Variants in ADAMTSL1 observed in about 807,000 individuals in gnomAD.
ADAMTSL1 encodes the protein ADAMTS like 1, also known as ADAMTS-like protein 1.
Under a neutral mutation model 201.8 loss-of-function variants are expected in ADAMTSL1, and 126 were observed. The observed-to-expected ratio is 0.62, with a 90% CI of 0.54 to 0.72. ADAMTSL1 has a LOEUF of 0.72. ADAMTSL1 is among the 30% of genes least tolerant of loss of function. The pLI is 0.00. For missense variants in ADAMTSL1, 2,679 were observed against 2,277.8 expected, an observed-to-expected ratio of 1.18 and a Z score of -3.59; for synonymous variants, 1,121 against 903.4, an observed-to-expected ratio of 1.24 and a Z score of -4.32.
chr9:17,925,866 AAG>A (rs1554665267), intron 1 of ADAMTSL1, among the ~76,000 whole-genome samples: 1 of 151,378 alleles, frequency 6.6e-6, no homozygotes, highest in Non-Finnish European at 1.5e-5. Flanking sequence ...TAAAAAAAAA[AAG>A]AAAACCATCC....
intron 8 of ADAMTSL1, among the ~76,000 whole-genome samples, chr9:18,660,106 G>T (rs1341437594): frequency 6.6e-6 from 1 of 152,156 alleles, no homozygotes; most frequent in Admixed American, 6.5e-5. Context: ...AAATGAAGAA[G>T]TAGAACTATC....
At chr9:18,073,991 G>T (rs186636800) in intron 1 of ADAMTSL1, among the ~76,000 whole-genome samples, 33 of 149,506 alleles carry the variant, frequency 2.2e-4, no homozygotes, top group African/African-American at 3.0e-4. Flanking sequence ...TTTTTTTTTC[G>T]CATTGAAAAG....
At chr9:18,067,733 C>A (rs1055325119) in intron 1 of ADAMTSL1, among the ~76,000 whole-genome samples, 1 of 152,122 alleles carries the variant, frequency 6.6e-6, no homozygotes, top group Non-Finnish European at 1.5e-5. Context: ...AGAGTCTTGT[C>A]TGGAGGCGGT....
intron 26 of ADAMTSL1, among the ~76,000 whole-genome samples, chr9:18,900,124 T>C (rs7859732): frequency 0.13 from 19,861 of 152,078 alleles, 1,449 homozygotes; most frequent in Middle Eastern, 0.22. Context: ...GCAAAGGACA[T>C]GAACAGACAG....
At chr9:18,438,575 C>G (rs1008874248) in intron 2 of ADAMTSL1, among the ~76,000 whole-genome samples, 10 of 152,190 alleles carry the variant, frequency 6.6e-5, no homozygotes, top group African/African-American at 2.2e-4. Flanking sequence ...TCAAGCGTGT[C>G]CCTTCCCGCA....
At chr9:18,646,180 G>C (rs1827798886) in intron 7 of ADAMTSL1, among the ~76,000 whole-genome samples, 1 of 151,522 alleles carries the variant, frequency 6.6e-6, no homozygotes, top group South Asian at 2.1e-4. Flanking sequence ...TCATGATTTG[G>C]CTCTCTGTTT....
intron 2 of ADAMTSL1, among the ~76,000 whole-genome samples, chr9:18,184,191 A>T (rs1336843776): frequency 2.0e-5 from 3 of 152,172 alleles, no homozygotes; most frequent in Non-Finnish European, 4.4e-5. Flanking sequence ...TGCTCCAAAG[A>T]GTGTAAAGTC....
At chr9:18,576,688 C>T (rs952423872) in intron 4 of ADAMTSL1, among the ~76,000 whole-genome samples, 6 of 152,144 alleles carry the variant, frequency 3.9e-5, no homozygotes, top group Non-Finnish European at 5.9e-5. Context: ...TTGTAAATTT[C>T]TTCAGGAAAG....
chr9:18,690,467 C>A (rs907944515), intron 13 of ADAMTSL1, among the ~76,000 whole-genome samples: 1 of 151,966 alleles, frequency 6.6e-6, no homozygotes, highest in African/African-American at 2.4e-5. Context: ...TATAAGGTAC[C>A]TGAATTATAT....
At chr9:18,383,237 T>G (rs1837634744) in intron 2 of ADAMTSL1, among the ~76,000 whole-genome samples, 1 of 152,190 alleles carries the variant, frequency 6.6e-6, no homozygotes, top group African/African-American at 2.4e-5. Context: ...CTATACTTTC[T>G]TGTAGCTATT....
intron 2 of ADAMTSL1, among the ~76,000 whole-genome samples, chr9:18,352,733 A>G (rs1836028405): frequency 6.6e-6 from 1 of 152,114 alleles, no homozygotes; most frequent in South Asian, 2.1e-4. Flanking sequence ...TTTATTTTTT[A>G]TTAGGCAATA....
intron 23 of ADAMTSL1, among the ~76,000 whole-genome samples, chr9:18,838,402 C>A (rs1816444): frequency 0.26 from 31,964 of 125,198 alleles, 4,950 homozygotes; most frequent in Non-Finnish European, 0.31. Context: ...CACACACACA[C>A]GCAAAAACCT....
intron 22 of ADAMTSL1, among the ~76,000 whole-genome samples, chr9:18,828,869 T>G (rs1824796067): frequency 6.6e-6 from 1 of 151,626 alleles, no homozygotes. Flanking sequence ...CCCTAACAAG[T>G]GCCTTACAAG....
intron 2 of ADAMTSL1, among the ~76,000 whole-genome samples, chr9:18,228,834 G>GT (rs984230350): frequency 5.0e-5 from 7 of 140,334 alleles, no homozygotes; most frequent in African/African-American, 1.6e-4. Flanking sequence ...GTGATTCAGA[G>GT]TTTTTTTGTT....
intron 15 of ADAMTSL1, among the ~76,000 whole-genome samples, chr9:18,734,454 C>T (rs1240938263): frequency 6.6e-6 from 1 of 152,178 alleles, no homozygotes; most frequent in Non-Finnish European, 1.5e-5. Context: ...GCATTTTCTA[C>T]TGGTTAAGAG....
At chr9:18,024,365 G>A (rs978320817) in intron 1 of ADAMTSL1, among the ~76,000 whole-genome samples, 1 of 151,898 alleles carries the variant, frequency 6.6e-6, no homozygotes, top group South Asian at 2.1e-4. Context: ...TCATCACCCA[G>A]GTAGAGAGCA....
intron 2 of ADAMTSL1, among the ~76,000 whole-genome samples, chr9:18,351,378 T>C (rs773478134): frequency 6.6e-6 from 1 of 152,142 alleles, no homozygotes; most frequent in Non-Finnish European, 1.5e-5. Context: ...TTTTAATGAT[T>C]TACTTGCAAG....
At chr9:18,549,272 G>T (rs1388936305) in intron 3 of ADAMTSL1, among the ~76,000 whole-genome samples, 1 of 151,986 alleles carries the variant, frequency 6.6e-6, no homozygotes, top group Admixed American at 6.6e-5. Context: ...TTAGACTAAA[G>T]GCTGAAACTT....
intron 1 of ADAMTSL1, among the ~76,000 whole-genome samples, chr9:18,019,092 G>A (rs1189317628): frequency 1.3e-5 from 2 of 152,068 alleles, no homozygotes; most frequent in Admixed American, 1.3e-4. Flanking sequence ...AAAACTGGAG[G>A]AAGGGGGACT....
Sources: gnomAD v4.1 joint callset for allele counts (sites outside exome capture counted in the v4.1 genomes callset) on GRCh38, gnomAD v4.1.1 for gene constraint, MANE v1.5 for transcripts, NCBI Gene and HGNC (gene_info 2026-07-23, HGNC 2026-07-21) for gene names.